Variants in PSD2 observed in about 807,000 individuals in gnomAD.
PSD2 encodes PH and SEC7 domain-containing protein 2.
In PSD2, 38 loss-of-function variants were observed where a neutral mutation model predicts 69.8. The ratio of observed to expected loss-of-function variants is 0.54; its 90% CI spans 0.42 to 0.71. PSD2 has a LOEUF of 0.71. PSD2 is among the 30% of genes least tolerant of loss of function. The pLI, the probability that PSD2 is intolerant of heterozygous loss-of-function variation, is 0.00. For synonymous variants in PSD2, 412 were observed against 423.0 expected (o/e 0.97, Z 0.32); for missense variants, 943 against 1,014.5 (o/e 0.93, Z 0.96).
chr5:139,779,142 A>C, the PSD2 span, among the ~76,000 whole-genome samples: 1 of 151,738 alleles, frequency 6.6e-6, no homozygotes, highest in Admixed American at 6.6e-5. Context: ...AATTTTTTTT[A>C]TTTCCATAGG....
rs1452932194 is a variant in PSD2 at position 139,830,620 on chromosome 5, TTCTTTC to T, written c.1270-3074_1270-3069del. Among the ~76,000 whole-genome samples the T allele has an allele frequency of 3.6e-3, 306 of 85,416 alleles. 9 individuals are homozygous for T. The highest frequency in any genetic ancestry group is 0.015 in the African/African-American group (283 of 18,846). The allele number at this position is 85,416 out of a possible 152,430, so 56.0% of individuals were successfully genotyped here. Reference sequence around the variant, plus strand: ...TCTTTCTTTCTTTCTCTTTCTTTCTTTCTTTCTCTTTCTTTCTTTCTTTCTTTCTTT... The same window carrying T: ...TCTTTCTTTCTTTCTCTTTCTTTCTTTCTTTCTTTCTTTCTTTCTTTCTTT... On this transcript the variant is annotated intron_variant, in intron 7 of 14. Coordinates refer to ENST00000274710, the MANE Select transcript of PSD2 (RefSeq NM_032289.4).
chr5:139,789,921 G>A, the PSD2 span, among the ~76,000 whole-genome samples: 1 of 151,938 alleles, frequency 6.6e-6, no homozygotes, highest in Non-Finnish European at 1.5e-5. Flanking sequence ...GGAAGAGAGC[G>A]CTGAAGGAAG....
chr5:139,837,512 C>A lies in PSD2; in HGVS notation c.1666-113C>A. ...TGGATTCTTGTTGGGGTGGGTGAGGCAGCAGGAACAGAAAATTAAGGGAGC... is the reference window on the plus strand; with the variant it reads ...TGGATTCTTGTTGGGGTGGGTGAGGAAGCAGGAACAGAAAATTAAGGGAGC... On this transcript the variant is annotated intron_variant, in intron 11 of 14. Coordinates refer to ENST00000274710, the MANE Select transcript of PSD2 (RefSeq NM_032289.4). This position sits in a 1 kb window ranked among gnomAD's most constrained non-coding sequence, Gnocchi z 5.0. 1 of 1,156,496 alleles carries A rather than the reference C, an allele frequency of 8.6e-7. No individual in the cohort carries two copies. Among genetic ancestry groups the A allele is most frequent in the Non-Finnish European group, 1.2e-6 (1 of 815,564 alleles). The allele number at this position is 1,156,496 out of a possible 1,614,324, so 71.6% of individuals were successfully genotyped here.
In PSD2 at chr5:139,813,703, G is replaced by C. The variant is rs771298121; in HGVS notation, c.766G>C (p.Gly256Arg). 6.2e-7 allele frequency: 1 copy of C among 1,611,170 alleles called. No homozygotes were observed. The highest frequency in any genetic ancestry group is 8.5e-7 in the Non-Finnish European group (1 of 1,178,240). The change falls in exon 3 of 15, where the codon GGG becomes CGG. Residue 256 changes from glycine (G) to arginine (R), a missense_variant. By Grantham distance (125) the Gly-to-Arg change is moderately radical. This residue lies in a region of PSD2 where 466 missense variants were observed against 445.0 expected (regional missense o/e 1.05). Coordinates refer to ENST00000274710, the MANE Select transcript of PSD2 (RefSeq NM_032289.4). Reference protein sequence around the residue: ...GFHEDGPQGPGGDEDDDEEDT... With the variant: ...GFHEDGPQGPRGDEDDDEEDT... ...CCATGAAGATGGCCCTCAGGGCCCA[G>C]GGGGGGATGAGGATGATGATGAGGA...
At chr5:139,834,077 C>T (rs1030618034) in intron 8 of PSD2, among the ~76,000 whole-genome samples, 6 of 152,198 alleles carry the variant, frequency 3.9e-5, no homozygotes, top group Admixed American at 6.5e-5. Flanking sequence ...CCACCCACCA[C>T]AACCGCCACC....
chr5:139,766,613 C>A, the PSD2 span, among the ~76,000 whole-genome samples: 1 of 152,218 alleles, frequency 6.6e-6, no homozygotes, highest in Non-Finnish European at 1.5e-5. Flanking sequence ...ATTTTGTGCC[C>A]ATTCCAGCAG....
chr5:139,793,065 C>T (rs573580753), upstream of PSD2, among the ~76,000 whole-genome samples: 2 of 152,082 alleles, frequency 1.3e-5, no homozygotes, highest in East Asian at 1.9e-4. Flanking sequence ...CTCTTGCCTC[C>T]GGAGTAGCTG....
chr5:139,823,682 C>T (rs1213832383), intron 7 of PSD2, among the ~76,000 whole-genome samples: 1 of 152,182 alleles, frequency 6.6e-6, no homozygotes, highest in African/African-American at 2.4e-5. Flanking sequence ...GTGTCATGGG[C>T]AGGACTGAGA....
intron 4 of PSD2, among the ~76,000 whole-genome samples, chr5:139,815,665 C>G (rs1760102832): frequency 6.6e-6 from 1 of 152,174 alleles, no homozygotes; most frequent in African/African-American, 2.4e-5. Flanking sequence ...CGAGACTGGC[C>G]ATTTCTTTCT....
chr5:139,837,122 C>T lies in PSD2; in HGVS notation c.1595-46C>T, dbSNP rs781028710. 1 of 1,607,896 alleles carries T rather than the reference C, an allele frequency of 6.2e-7. No individual in the cohort carries two copies. The highest frequency in any genetic ancestry group is 8.5e-7 in the Non-Finnish European group (1 of 1,175,312). Reference sequence around the variant, plus strand: ...GTAGTGGGAGGTGGGGTTGGAGAGACTGCAGAGGGTGGCTGCAGCCACACT... The same window carrying T: ...GTAGTGGGAGGTGGGGTTGGAGAGATTGCAGAGGGTGGCTGCAGCCACACT... On this transcript the variant is annotated intron_variant, in intron 10 of 14. Coordinates refer to ENST00000274710, the MANE Select transcript of PSD2 (RefSeq NM_032289.4). The surrounding 1 kb of genome is among the most constrained non-coding windows in gnomAD (Gnocchi z 5.0).
chr5:139,749,185 C>G, the PSD2 span, among the ~76,000 whole-genome samples: 1,254 of 152,238 alleles, frequency 8.2e-3, 22 homozygotes, highest in African/African-American at 0.029. Flanking sequence ...TCGGTTCCCC[C>G]CTAGCATGCC....
chr5:139,768,765 A>T, the PSD2 span, among the ~76,000 whole-genome samples: 1 of 150,946 alleles, frequency 6.6e-6, no homozygotes, highest in Non-Finnish European at 1.5e-5. Context: ...CCTGGGCTGG[A>T]TGGGAGTAAA....
the PSD2 span, among the ~76,000 whole-genome samples, chr5:139,766,983 T>A: frequency 8.9e-5 from 13 of 146,868 alleles, no homozygotes; most frequent in Non-Finnish European, 1.6e-4. Context: ...CTTTCTTTCT[T>A]TCTTTCTTTC....
At chr5:139,833,887 CG>C in intron 8 of PSD2, 96 bp downstream of exon 8, 1 of 933,004 alleles carries the variant, frequency 1.1e-6, no homozygotes, top group African/African-American at 1.6e-5. Context: ...CATTCCAGGC[CG>C]TTAACACAGG....
upstream of PSD2, among the ~76,000 whole-genome samples, chr5:139,791,335 T>C (rs570853209): frequency 2.0e-5 from 3 of 152,122 alleles, no homozygotes; most frequent in East Asian, 5.8e-4. Flanking sequence ...GAGGCTGAGA[T>C]GGGAGGATCG....
intron 1 of PSD2, among the ~76,000 whole-genome samples, chr5:139,800,679 G>A (rs550793436): frequency 1.3e-5 from 2 of 152,262 alleles, no homozygotes; most frequent in South Asian, 4.2e-4. Context: ...GGCTCCCAGT[G>A]CCACACTCAC....
At chr5:139,820,130 G>T (rs535627344) in intron 5 of PSD2, among the ~76,000 whole-genome samples, 1 of 152,298 alleles carries the variant, frequency 6.6e-6, no homozygotes, top group Non-Finnish European at 1.5e-5. Context: ...TGTGGGGAGG[G>T]TGGACAGTGG....
At chr5:139,788,182 C>A in the PSD2 span, among the ~76,000 whole-genome samples, 9 of 151,692 alleles carry the variant, frequency 5.9e-5, no homozygotes, top group African/African-American at 2.2e-4. Flanking sequence ...CCCCCGCGCC[C>A]CCCCCCGAAC....
At chr5:139,830,972 T>C (rs1053441181) in intron 7 of PSD2, among the ~76,000 whole-genome samples, 1 of 152,090 alleles carries the variant, frequency 6.6e-6, no homozygotes, top group Non-Finnish European at 1.5e-5. Flanking sequence ...TTTTTTGGCA[T>C]AGAATTCTTG....
Sources: allele counts gnomAD v4.1 joint callset (sites outside exome capture counted in the v4.1 genomes callset), GRCh38; gene constraint gnomAD v4.1.1; regional missense constraint gnomAD v4.1.1; non-coding constraint Gnocchi (gnomAD v3.1); transcripts MANE v1.5; gene names NCBI Gene and HGNC (gene_info 2026-07-23, HGNC 2026-07-21).